GRM7: variants seen among roughly 807,000 people sequenced by gnomAD.
GRM7 encodes the protein glutamate metabotropic receptor 7, also known as metabotropic glutamate receptor 7.
A neutral mutation model predicts 84.5 loss-of-function variants in GRM7; 35 were observed. The ratio of observed to expected loss-of-function variants is 0.41; its 90% confidence interval spans 0.32 to 0.55. GRM7 has a LOEUF of 0.55. Among genes scored for constraint, GRM7 ranks in the 20% least tolerant of loss-of-function variants. The probability of loss-of-function intolerance (pLI) is 0.19; values close to 1 mark genes in which losing one functional copy is unlikely to be tolerated. For missense variants in GRM7, 1,003 were observed against 1,194.6 expected (o/e 0.84, Z 2.36); for synonymous variants, 487 against 455.1 (o/e 1.07, Z -0.89).
chr3:7,636,522 A>G (rs769211560), intron 8 of GRM7: 2 of 222,360 alleles, frequency 9.0e-6, no homozygotes, highest in East Asian at 2.0e-4. Context: ...CTATTAGTCT[A>G]CATAAGGAAA....
At chr3:7,012,663 G>A (rs1397027001) in intron 1 of GRM7, among the ~76,000 whole-genome samples, 3 of 152,102 alleles carry the variant, frequency 2.0e-5, no homozygotes, top group Admixed American at 6.5e-5. Context: ...GAAAAGGAAC[G>A]TCCTTACCTC....
At chr3:7,704,201 A>G (rs993832045) in intron 9 of GRM7, among the ~76,000 whole-genome samples, 1 of 152,236 alleles carries the variant, frequency 6.6e-6, no homozygotes, top group Non-Finnish European at 1.5e-5. Context: ...TACTAAATTC[A>G]AAAGTTTTAA....
chr3:6,909,927 A>G (rs962629022), intron 1 of GRM7, among the ~76,000 whole-genome samples: 1 of 152,076 alleles, frequency 6.6e-6, no homozygotes, highest in South Asian at 2.1e-4. Context: ...TTAGGGGGCA[A>G]ATTTATGTCT....
intron 2 of GRM7, among the ~76,000 whole-genome samples, chr3:7,159,618 C>G (rs111948055): frequency 1.2e-4 from 19 of 152,264 alleles, no homozygotes; most frequent in African/African-American, 4.6e-4. Context: ...CTGAATATGA[C>G]TATTTCCTAA....
chr3:7,103,510 A>C (rs1472636198), intron 1 of GRM7, among the ~76,000 whole-genome samples: 3 of 151,798 alleles, frequency 2.0e-5, no homozygotes, highest in Non-Finnish European at 4.4e-5. Flanking sequence ...CCAAAATAAA[A>C]TTGTTTTGGG....
intron 1 of GRM7, among the ~76,000 whole-genome samples, chr3:6,886,526 G>C (rs1695702019): frequency 6.6e-6 from 1 of 152,068 alleles, no homozygotes; most frequent in Middle Eastern, 3.4e-3. Context: ...AGTTTCTCAA[G>C]CTCAATAATT....
intron 1 of GRM7, among the ~76,000 whole-genome samples, chr3:7,135,864 A>G (rs1693753968): frequency 6.6e-6 from 1 of 152,094 alleles, no homozygotes; most frequent in Non-Finnish European, 1.5e-5. Context: ...TTTTATGAGA[A>G]CTAAGCTTGC....
intron 4 of GRM7, among the ~76,000 whole-genome samples, chr3:7,403,428 T>C (rs1040030272): frequency 6.6e-6 from 1 of 151,266 alleles, no homozygotes; most frequent in Non-Finnish European, 1.5e-5. Flanking sequence ...TTCATTAGGA[T>C]GACATCAAGC....
At chr3:7,302,386 TTTAA>T (rs536179116) in intron 3 of GRM7, among the ~76,000 whole-genome samples, 194 of 152,308 alleles carry the variant, frequency 1.3e-3, no homozygotes, top group African/African-American at 4.5e-3. Context: ...TTTTAAATGC[TTTAA>T]TTATATTCTT....
chr3:7,309,164 A>G (rs1394088976), intron 4 of GRM7, among the ~76,000 whole-genome samples: 1 of 152,238 alleles, frequency 6.6e-6, no homozygotes, highest in Non-Finnish European at 1.5e-5. Context: ...TTTCTTATAA[A>G]GAACAATCAA....
intron 1 of GRM7, among the ~76,000 whole-genome samples, chr3:6,947,711 A>G (rs1698142196): frequency 6.6e-6 from 1 of 152,008 alleles, no homozygotes; most frequent in African/African-American, 2.4e-5. Context: ...GTAAGCTATT[A>G]ATTATTGCCT....
intron 7 of GRM7, among the ~76,000 whole-genome samples, chr3:7,542,517 T>G (rs894091195): frequency 2.0e-5 from 3 of 152,066 alleles, no homozygotes; most frequent in Admixed American, 1.3e-4. Flanking sequence ...TTTCATTCTT[T>G]TTCTTTTTAA....
At chr3:7,530,108 A>G (rs982505817) in intron 7 of GRM7, among the ~76,000 whole-genome samples, 2 of 34,586 alleles carry the variant, frequency 5.8e-5, no homozygotes, top group Non-Finnish European at 1.5e-4. Flanking sequence ...CCACCCCCCA[A>G]CAGGCCCCGG....
intron 1 of GRM7, among the ~76,000 whole-genome samples, chr3:7,057,036 A>G (rs1249675135): frequency 1.3e-5 from 2 of 151,962 alleles, no homozygotes; most frequent in South Asian, 2.1e-4. Flanking sequence ...CTGTATATGT[A>G]TGTGGTGTGA....
chr3:6,898,294 C>T (rs930508831), intron 1 of GRM7, among the ~76,000 whole-genome samples: 7 of 150,270 alleles, frequency 4.7e-5, no homozygotes, highest in Middle Eastern at 3.4e-3. Flanking sequence ...TTGAATTGGG[C>T]GTGAAAGGAA....
At chr3:6,945,569 T>C (rs1413138667) in intron 1 of GRM7, among the ~76,000 whole-genome samples, 1 of 152,110 alleles carries the variant, frequency 6.6e-6, no homozygotes, top group Admixed American at 6.5e-5. Context: ...ATCCTTTGGG[T>C]ATATACCCAG....
chr3:7,296,815 CT>C (rs112059436), intron 2 of GRM7, among the ~76,000 whole-genome samples: 1 of 150,254 alleles, frequency 6.7e-6, no homozygotes, highest in Admixed American at 6.6e-5. Context: ...TCAAAAACAG[CT>C]TTTTTAAAAA....
intron 8 of GRM7, among the ~76,000 whole-genome samples, chr3:7,651,603 G>A (rs147866961): frequency 2.0e-4 from 30 of 152,234 alleles, no homozygotes; most frequent in Non-Finnish European, 3.7e-4. Context: ...CTCAGTCCTG[G>A]CTCTGTGAGA....
intron 4 of GRM7, among the ~76,000 whole-genome samples, chr3:7,376,851 G>A (rs1302629668): frequency 6.6e-6 from 1 of 152,094 alleles, no homozygotes; most frequent in Non-Finnish European, 1.5e-5. Context: ...GGACAAAGAG[G>A]GTTTTTCTGT....
Sources: gnomAD v4.1 joint callset for allele counts (sites outside exome capture counted in the v4.1 genomes callset) on GRCh38, gnomAD v4.1.1 for gene constraint, MANE v1.5 for transcripts, NCBI Gene and HGNC (gene_info 2026-07-23, HGNC 2026-07-21) for gene names.